The following CMIP variants were observed in gnomAD, a reference collection of about 807,000 sequenced individuals.
CMIP encodes C-Maf-inducing protein.
CMIP carries 13 observed loss-of-function variants against 97.3 expected under a neutral mutation model. The observed-to-expected ratio is 0.13, with a 90% CI of 0.09 to 0.21. The LOEUF is 0.21. Among genes scored for constraint, CMIP ranks in the 10% least tolerant of loss-of-function variants. The pLI is 1.00. For missense variants in CMIP, 847 were observed against 1,024.9 expected (o/e 0.83, Z 2.37); for synonymous variants, 538 against 436.3 (o/e 1.23, Z -2.91).
At chr16:81,460,074 G>A (rs1312873331) in intron 1 of CMIP, among the ~76,000 whole-genome samples, 2 of 151,710 alleles carry the variant, frequency 1.3e-5, no homozygotes, top group Admixed American at 1.3e-4. Flanking sequence ...CACCATGGAG[G>A]CTCTGAGAGG....
chr16:81,451,127 C>G (rs969162180), intron 1 of CMIP, among the ~76,000 whole-genome samples: 1 of 152,124 alleles, frequency 6.6e-6, no homozygotes, highest in Non-Finnish European at 1.5e-5. Context: ...GGATGTGTTC[C>G]CACTTAAATC....
chr16:81,671,152 A>T (rs2092680187), intron 8 of CMIP, among the ~76,000 whole-genome samples: 1 of 152,144 alleles, frequency 6.6e-6, no homozygotes, highest in Non-Finnish European at 1.5e-5. Context: ...TAAGAAAATC[A>T]CAGTAACCCA....
At chr16:81,653,793 A>G (rs1241708465) in intron 4 of CMIP, among the ~76,000 whole-genome samples, 1 of 152,206 alleles carries the variant, frequency 6.6e-6, no homozygotes, top group Admixed American at 6.5e-5. Flanking sequence ...TTGTATTTTT[A>G]GTAGAGACAA....
At chr16:81,549,149 T>G (rs1277190799) in intron 1 of CMIP, among the ~76,000 whole-genome samples, 1 of 152,224 alleles carries the variant, frequency 6.6e-6, no homozygotes, top group African/African-American at 2.4e-5. Context: ...TGTCACTGGC[T>G]TATTCAGTCA....
In CMIP at chr16:81,638,080, A is replaced by G. The variant is rs2092259253; in HGVS notation, c.478-14123A>G. 1.3e-5 allele frequency among the ~76,000 whole-genome samples: 2 copies of G among 152,142 alleles called. 1 individual carries two copies. The highest frequency in any genetic ancestry group is 4.1e-4 in the South Asian group (2 of 4,832). On this transcript the variant is annotated intron_variant, in intron 3 of 20. Coordinates refer to ENST00000537098, the MANE Select transcript of CMIP (RefSeq NM_198390.3). Reference sequence around the variant, plus strand: ...TAATGAATTTTTTGAAGATACAAACATTCAGAGCTTAGCACTTGGCTTGTG... The same window carrying G: ...TAATGAATTTTTTGAAGATACAAACGTTCAGAGCTTAGCACTTGGCTTGTG...
At chr16:81,664,387 C>T (rs1311768221) in intron 7 of CMIP, 38 bp downstream of exon 7, 1 of 1,559,774 alleles carries the variant, frequency 6.4e-7, no homozygotes, top group Admixed American at 1.9e-5. Context: ...CCCCAGCGCC[C>T]AGAACATGAG....
intron 1 of CMIP, among the ~76,000 whole-genome samples, chr16:81,515,967 C>T (rs2089905056): frequency 6.6e-6 from 1 of 152,238 alleles, no homozygotes; most frequent in Non-Finnish European, 1.5e-5. Flanking sequence ...ATGGCCTGTC[C>T]TCTGTCGGCG....
chr16:81,581,061 G>A (rs746520290), intron 1 of CMIP, among the ~76,000 whole-genome samples: 46 of 152,058 alleles, frequency 3.0e-4, no homozygotes, highest in Non-Finnish European at 5.3e-4. Context: ...TTCCCTCAGC[G>A]TCATGTTGTC....
chr16:81,596,698 G>A (rs755153465), intron 1 of CMIP, among the ~76,000 whole-genome samples: 11 of 151,960 alleles, frequency 7.2e-5, no homozygotes, highest in African/African-American at 1.2e-4. Context: ...ATCCCTCCAT[G>A]GGGTAACCAG....
intron 6 of CMIP, among the ~76,000 whole-genome samples, chr16:81,662,074 C>T (rs1355118787): frequency 6.6e-6 from 1 of 152,154 alleles, no homozygotes. Context: ...TGTCTGCCTC[C>T]GGGACTCATG....
intron 15 of CMIP, 133 bp downstream of exon 15, chr16:81,699,934 G>A (rs962177474): frequency 5.2e-5 from 32 of 617,086 alleles, no homozygotes; most frequent in African/African-American, 9.3e-5. Flanking sequence ...AGTCCCAGCC[G>A]TCCTGAGCTT....
chr16:81,604,414 A>AT (rs1200257622), intron 1 of CMIP, among the ~76,000 whole-genome samples: 1 of 143,936 alleles, frequency 6.9e-6, no homozygotes, highest in Non-Finnish European at 1.5e-5. Context: ...AAAAAAAAAA[A>AT]AAGGACCGGC....
chr16:81,466,358 G>T (rs1312524420), intron 1 of CMIP, among the ~76,000 whole-genome samples: 1 of 152,202 alleles, frequency 6.6e-6, no homozygotes, highest in Non-Finnish European at 1.5e-5. Flanking sequence ...ACTAGGCCTG[G>T]CCTCTTTCCC....
At chr16:81,527,316 G>A (rs184513101) in intron 1 of CMIP, among the ~76,000 whole-genome samples, 5 of 152,240 alleles carry the variant, frequency 3.3e-5, no homozygotes, top group Non-Finnish European at 5.9e-5. Flanking sequence ...ATCATTTATC[G>A]TCAGTAATAA....
At chr16:81,700,744 C>T (rs948614467) in intron 15 of CMIP, among the ~76,000 whole-genome samples, 6 of 152,134 alleles carry the variant, frequency 3.9e-5, no homozygotes, top group East Asian at 3.9e-4. Flanking sequence ...ACATCCCGGG[C>T]GGAGGCTTGC....
At position 81,627,887 on chromosome 16, in the gene CMIP, C is replaced by T. The variant is rs1184760560; in HGVS notation, c.477+6961C>T. ...GGACCACAACCCTCAAAGTCCCCAG[C>T]ACCAAGGCAAAGTGCCTGGGGCTCA... On this transcript the variant is annotated intron_variant, in intron 3 of 20. Coordinates refer to ENST00000537098, the MANE Select transcript of CMIP (RefSeq NM_198390.3). This position sits in a 1 kb window ranked among gnomAD's most constrained non-coding sequence, Gnocchi z 4.6. Among the ~76,000 whole-genome samples, 1 of 152,144 alleles carries T rather than the reference C, an allele frequency of 6.6e-6. No homozygotes were observed. The highest frequency in any genetic ancestry group is 2.4e-5 in the African/African-American group (1 of 41,434).
intron 1 of CMIP, among the ~76,000 whole-genome samples, chr16:81,583,575 G>C (rs2091332444): frequency 6.6e-6 from 1 of 152,232 alleles, no homozygotes; most frequent in South Asian, 2.1e-4. Context: ...CACAGACGTG[G>C]AGGGAGTGAC....
chr16:81,676,608 T>C (rs1369401862), intron 9 of CMIP, among the ~76,000 whole-genome samples: 1 of 152,216 alleles, frequency 6.6e-6, no homozygotes, highest in African/African-American at 2.4e-5. Flanking sequence ...CAAGTTGTTA[T>C]CAACGATAGA....
chr16:81,648,713 G>A (rs2092393115), intron 3 of CMIP, among the ~76,000 whole-genome samples: 1 of 145,910 alleles, frequency 6.9e-6, no homozygotes, highest in Non-Finnish European at 1.5e-5. Flanking sequence ...AACCTGGGAG[G>A]TGGAGATTAT....
Sources: gnomAD v4.1 joint callset for allele counts (sites outside exome capture counted in the v4.1 genomes callset) on GRCh38, gnomAD v4.1.1 for gene constraint, Gnocchi (gnomAD v3.1) non-coding constraint, MANE v1.5 for transcripts, NCBI Gene and HGNC (gene_info 2026-07-23, HGNC 2026-07-21) for gene names.